DIS3L: variants seen among roughly 807,000 people sequenced by gnomAD.
DIS3L encodes the protein DIS3 like exosome 3'-5' exoribonuclease.
Under a neutral mutation model 120.3 loss-of-function variants are expected in DIS3L, and 100 were observed. That is an observed-to-expected ratio of 0.83 (90% confidence interval 0.71 to 0.98). The LOEUF is 0.98. Among genes scored for constraint, DIS3L ranks in the 50% least tolerant of loss-of-function variants. The pLI, the probability that DIS3L is intolerant of heterozygous loss-of-function variation, is 0.00. For missense variants in DIS3L, 1,196 were observed against 1,314.2 expected, an observed-to-expected ratio of 0.91 and a Z score of 1.39; for synonymous variants, 426 against 470.6, an observed-to-expected ratio of 0.91 and a Z score of 1.23.
chr15:66,302,037 G>T (rs1039325687), intron 2 of DIS3L, among the ~76,000 whole-genome samples: 1 of 152,142 alleles, frequency 6.6e-6, no homozygotes, highest in Non-Finnish European at 1.5e-5. Flanking sequence ...CCCTGGGTCT[G>T]GCTTGTGGCA....
chr15:66,322,199 C>G (rs1294052431), intron 9 of DIS3L, among the ~76,000 whole-genome samples: 1 of 152,068 alleles, frequency 6.6e-6, no homozygotes, highest in Non-Finnish European at 1.5e-5. Context: ...AAATTGATGG[C>G]TTAAACAGAT....
intron 11 of DIS3L, among the ~76,000 whole-genome samples, chr15:66,324,450 G>T (rs1595755832): frequency 6.6e-6 from 1 of 152,206 alleles, no homozygotes; most frequent in East Asian, 1.9e-4. Context: ...TGGGATTACA[G>T]ATGTAAGCCA....
At chr15:66,300,864 G>A (rs1189513375) in intron 2 of DIS3L, among the ~76,000 whole-genome samples, 1 of 152,222 alleles carries the variant, frequency 6.6e-6, no homozygotes, top group Non-Finnish European at 1.5e-5. Flanking sequence ...CGTTCAGATG[G>A]CCCCAAATGT....
intron 10 of DIS3L, 42 bp downstream of exon 10, chr15:66,322,976 A>T (rs1304436060): frequency 1.2e-6 from 2 of 1,604,350 alleles, no homozygotes; most frequent in African/African-American, 1.3e-5. Flanking sequence ...TGTGTATGTG[A>T]CTGGATATTT....
chr15:66,329,182 AGTTTTT>A, intron 13 of DIS3L, 33 bp from the exon 14 acceptor site: 2 of 1,587,276 alleles, frequency 1.3e-6, no homozygotes, highest in Non-Finnish European at 1.7e-6. Flanking sequence ...ATTTTAAAAT[AGTTTTT>A]GTTTATTTTG....
intron 9 of DIS3L, 96 bp from the exon 10 acceptor site, chr15:66,322,591 A>G: frequency 6.5e-7 from 1 of 1,533,362 alleles, no homozygotes. Flanking sequence ...TTGAGAATGA[A>G]TGAATTTCTA....
At chr15:66,323,416 C>T in intron 10 of DIS3L, 77 bp from the exon 11 acceptor site, 2 of 1,477,634 alleles carry the variant, frequency 1.4e-6, no homozygotes, top group Non-Finnish European at 1.9e-6. Context: ...GGCCATTTAC[C>T]TCCCTGCGGC....
At chr15:66,308,593 A>G in intron 3 of DIS3L, 116 bp from the exon 4 acceptor site, 9 of 1,320,642 alleles carry the variant, frequency 6.8e-6, no homozygotes, top group Non-Finnish European at 9.1e-6. Context: ...TATTTGTTGA[A>G]CGAATGAATG....
rs1310220742 is a variant in DIS3L at position 66,311,824 on chromosome 15, G to A, written c.659G>A (p.Ser220Asn). The stretch of plus-strand genomic sequence containing the variant: ...GAGAGAGAGAATGAGAGTCAGGAGA[G>A]CCATGGGAAGGAGTACCCAGAACAT... ...RRERENESQE[S>N]HGKEYPEHLP... The change falls in exon 5 of 17, where the codon AGC becomes AAC. Residue 220 changes from serine to asparagine, a missense_variant. Ser to Asn is a conservative substitution (Grantham distance 46, BLOSUM62 1). Transcript: ENST00000319212. The A allele has an allele frequency of 2.5e-6, 4 of 1,614,150 alleles. No homozygotes were observed. The highest frequency in any genetic ancestry group is 2.5e-6 in the Non-Finnish European group (3 of 1,180,016).
rs746271823 is a variant in DIS3L at position 66,332,807 on chromosome 15, G to C, written c.2753G>C (p.Cys918Ser). The C allele has an allele frequency of 2.5e-6, 4 of 1,613,934 alleles. No individual in the cohort carries two copies. Among genetic ancestry groups the C allele is most frequent in the South Asian group, 2.2e-5 (2 of 91,066 alleles). ...GLVISCGPDS[C>S]SEWKPGSLQR... is the part of the protein sequence containing the mutation. Reference sequence around the variant, plus strand: ...GTCATCTCATGTGGCCCAGATAGCTGTTCTGAATGGAAACCAGGATCCCTT... The same window carrying C: ...GTCATCTCATGTGGCCCAGATAGCTCTTCTGAATGGAAACCAGGATCCCTT... The change falls in exon 16 of 17, where the codon TGT (cysteine) becomes TCT (serine). Residue 918 changes from cysteine to serine, a missense_variant. Physicochemically the swap from Cys to Ser is moderately radical, Grantham distance 112. Coordinates refer to ENST00000319212, the MANE Select transcript of DIS3L (RefSeq NM_001143688.3).
intron 2 of DIS3L, among the ~76,000 whole-genome samples, chr15:66,295,847 C>A (rs552229200): frequency 3.3e-5 from 5 of 152,170 alleles, no homozygotes; most frequent in Admixed American, 6.5e-5. Context: ...ATACGTCCAA[C>A]CTTTTAACAC....
At chr15:66,306,787 T>C in intron 2 of DIS3L, 37 bp from the exon 3 acceptor site, 1 of 1,612,020 alleles carries the variant, frequency 6.2e-7, no homozygotes, top group Non-Finnish European at 8.5e-7. Context: ...GATGAGTACC[T>C]GCTTTGTTAG....
chr15:66,309,772 C>A (rs2092742229), intron 4 of DIS3L, among the ~76,000 whole-genome samples: 1 of 152,168 alleles, frequency 6.6e-6, no homozygotes, highest in African/African-American at 2.4e-5. Flanking sequence ...AACAAACTGT[C>A]TTAAAGGCCA....
intron 2 of DIS3L, among the ~76,000 whole-genome samples, chr15:66,297,192 T>A (rs2092597046): frequency 6.6e-6 from 1 of 152,254 alleles, no homozygotes; most frequent in African/African-American, 2.4e-5. Context: ...ACTTTCAAAT[T>A]AATAATAGGC....
At chr15:66,302,201 C>G (rs559515863) in intron 2 of DIS3L, among the ~76,000 whole-genome samples, 1 of 151,344 alleles carries the variant, frequency 6.6e-6, no homozygotes, top group Admixed American at 6.6e-5. Context: ...TGTCTCAATA[C>G]AAAAAAAACC....
chr15:66,297,758 A>G (rs2092603671), intron 2 of DIS3L, among the ~76,000 whole-genome samples: 2 of 152,216 alleles, frequency 1.3e-5, no homozygotes, highest in Admixed American at 1.3e-4. Context: ...GTCAGTTAAT[A>G]ATCCCTGGTC....
chr15:66,312,038 C>T (rs2092768278), intron 5 of DIS3L, 138 bp downstream of exon 5: 1 of 1,025,664 alleles, frequency 9.7e-7, no homozygotes. Context: ...GAAACCCTGT[C>T]TCTAGAAAAA....
Position 66,314,067 on chromosome 15 carries a change from C to T in DIS3L, c.764C>T (p.Ala255Val). 6.5e-7 allele frequency: 1 copy of T among 1,534,928 alleles called. No individual in the cohort carries two copies. Among genetic ancestry groups the T allele is most frequent in the Non-Finnish European group, 8.7e-7 (1 of 1,146,310 alleles). ...QGILNVNKHR[A>V]QIEAFVRLQG... is the part of the protein sequence containing the mutation. ...ATTCTGAATGTCAACAAACACAGAG[C>T]CCAAATAGAAGCTTTTGTTCGACTT... Residue 255 changes from alanine to valine, a missense_variant, in exon 6 of 17, where the codon GCC (alanine) becomes GTC (valine). By Grantham distance (64) the Ala-to-Val change is moderately conservative. Transcript: ENST00000319212.
intron 12 of DIS3L, among the ~76,000 whole-genome samples, chr15:66,326,857 T>C (rs964650210): frequency 6.6e-6 from 1 of 151,914 alleles, no homozygotes; most frequent in Non-Finnish European, 1.5e-5. Flanking sequence ...GCTGGGATTA[T>C]AGGCATGAGC....
Sources: allele counts gnomAD v4.1 joint callset (sites outside exome capture counted in the v4.1 genomes callset), GRCh38; gene constraint gnomAD v4.1.1; transcripts MANE v1.5; gene names NCBI Gene and HGNC (gene_info 2026-07-23, HGNC 2026-07-21).